The following UBE2E2 variants were observed in gnomAD, a reference collection of about 807,000 sequenced individuals.
The protein encoded by UBE2E2 is ubiquitin-conjugating enzyme E2 E2.
A neutral mutation model predicts 24.7 loss-of-function variants in UBE2E2; 6 were observed. That is an observed-to-expected ratio of 0.24 (90% confidence interval 0.13 to 0.48). The LOEUF is 0.48. UBE2E2 is among the 20% of genes least tolerant of loss of function. UBE2E2 has a pLI of 0.99. For synonymous variants in UBE2E2, 104 were observed against 83.6 expected (o/e 1.24, Z -1.33); for missense variants, 169 against 245.0 (o/e 0.69, Z 2.07).
chr3:23,340,349 T>C (rs1172500418), intron 3 of UBE2E2, among the ~76,000 whole-genome samples: 1 of 152,144 alleles, frequency 6.6e-6, no homozygotes, highest in Non-Finnish European at 1.5e-5. Flanking sequence ...GGAAAAATAA[T>C]TTGCATCTAC....
chr3:23,236,594 T>C (rs1278265148), intron 3 of UBE2E2, among the ~76,000 whole-genome samples: 2 of 152,056 alleles, frequency 1.3e-5, no homozygotes, highest in Non-Finnish European at 2.9e-5. Context: ...AAGTTATTGC[T>C]GGTAGCATGT....
intron 3 of UBE2E2, among the ~76,000 whole-genome samples, chr3:23,482,580 C>A (rs979714107): frequency 6.6e-6 from 1 of 152,102 alleles, no homozygotes; most frequent in Non-Finnish European, 1.5e-5. Flanking sequence ...TCTTCCTAAC[C>A]TTTGCTGATG....
At chr3:23,211,471 A>G (rs887195841) in intron 2 of UBE2E2, among the ~76,000 whole-genome samples, 3 of 146,192 alleles carry the variant, frequency 2.1e-5, no homozygotes, top group Non-Finnish European at 4.5e-5. Flanking sequence ...CAGTGGTATG[A>G]TCTCCAACTC....
chr3:23,320,251 G>A (rs942381572), intron 3 of UBE2E2, among the ~76,000 whole-genome samples: 6 of 152,196 alleles, frequency 3.9e-5, no homozygotes, highest in African/African-American at 1.4e-4. Flanking sequence ...CATTGAAGGA[G>A]TTCAAGTTGT....
intron 3 of UBE2E2, among the ~76,000 whole-genome samples, chr3:23,448,422 A>G (rs1243454839): frequency 6.6e-6 from 1 of 152,198 alleles, no homozygotes; most frequent in Non-Finnish European, 1.5e-5. Context: ...AGGTAAGCCT[A>G]ACTTACCCAT....
chr3:23,582,106 C>G (rs761725362), intron 5 of UBE2E2, among the ~76,000 whole-genome samples: 3 of 152,164 alleles, frequency 2.0e-5, no homozygotes, highest in Admixed American at 6.6e-5. Flanking sequence ...TTCTTTGTGT[C>G]CATGGGTACT....
chr3:23,413,123 C>A (rs973972720), intron 3 of UBE2E2, among the ~76,000 whole-genome samples: 3 of 151,306 alleles, frequency 2.0e-5, no homozygotes, highest in African/African-American at 7.3e-5. Context: ...GTGCAGCACA[C>A]CAACATGGCA....
intron 3 of UBE2E2, among the ~76,000 whole-genome samples, chr3:23,245,868 A>G (rs1369347772): frequency 6.6e-6 from 1 of 152,198 alleles, no homozygotes; most frequent in Non-Finnish European, 1.5e-5. Context: ...GCATATTTAC[A>G]CACATACATC....
intron 5 of UBE2E2, among the ~76,000 whole-genome samples, chr3:23,538,284 A>G (rs1242167048): frequency 5.3e-5 from 8 of 152,136 alleles, no homozygotes; most frequent in Admixed American, 5.2e-4. Flanking sequence ...TCTTCTGTCA[A>G]CTTCTGTCTA....
At chr3:23,294,602 ATTATT>A (rs1698858523) in intron 3 of UBE2E2, among the ~76,000 whole-genome samples, 1 of 147,052 alleles carries the variant, frequency 6.8e-6, no homozygotes, top group African/African-American at 2.5e-5. Context: ...TTTTTATTAG[ATTATT>A]TTATTAGATA....
At chr3:23,417,406 G>A (rs1407963765) in intron 3 of UBE2E2, among the ~76,000 whole-genome samples, 1 of 152,190 alleles carries the variant, frequency 6.6e-6, no homozygotes, top group Admixed American at 6.5e-5. Flanking sequence ...ATTGCTGCCT[G>A]TTCCTTCCTC....
In UBE2E2 at chr3:23,303,914, A is replaced by G. The variant is rs377122173; in HGVS notation, c.227+86602A>G. On this transcript the variant is annotated intron_variant, in intron 3 of 5. Transcript: ENST00000396703. ...CTGCTCTCCTGGGCAAATTTCAACCAATGTAATTATATTCTTAGTCTTACC... is the reference window on the plus strand; with the variant it reads ...CTGCTCTCCTGGGCAAATTTCAACCGATGTAATTATATTCTTAGTCTTACC... Among the ~76,000 whole-genome samples, 7 of 152,304 alleles carry G rather than the reference A, an allele frequency of 4.6e-5. No individual in the cohort carries two copies. In the South Asian group the frequency reaches 8.3e-4, roughly 18 times the overall value.
At chr3:23,432,931 T>C (rs1403541362) in intron 3 of UBE2E2, among the ~76,000 whole-genome samples, 1 of 151,906 alleles carries the variant, frequency 6.6e-6, no homozygotes, top group Non-Finnish European at 1.5e-5. Flanking sequence ...CACTTCGATA[T>C]CATGATAGAA....
At chr3:23,203,512 C>T in intron 1 of UBE2E2, 48 bp downstream of exon 1, 2 of 970,608 alleles carry the variant, frequency 2.1e-6, no homozygotes, top group Non-Finnish European at 2.4e-6. Context: ...GGCGTCCTCC[C>T]TCTCGCTGAC....
At chr3:23,515,085 A>G (rs1360929937) in intron 4 of UBE2E2, among the ~76,000 whole-genome samples, 1 of 151,266 alleles carries the variant, frequency 6.6e-6, no homozygotes, top group Non-Finnish European at 1.5e-5. Flanking sequence ...TCTGAAGCTT[A>G]CTCTCAAATA....
At chr3:23,244,058 A>G (rs189284087) in intron 3 of UBE2E2, among the ~76,000 whole-genome samples, 265 of 151,918 alleles carry the variant, frequency 1.7e-3, no homozygotes, top group Middle Eastern at 6.8e-3. Context: ...TATGATATCA[A>G]TTAAGGTGAT....
intron 3 of UBE2E2, among the ~76,000 whole-genome samples, chr3:23,301,328 G>A (rs1281755512): frequency 6.6e-6 from 1 of 152,172 alleles, no homozygotes; most frequent in African/African-American, 2.4e-5. Flanking sequence ...TGCTGGTGAG[G>A]AGCTGCGTTC....
intron 3 of UBE2E2, among the ~76,000 whole-genome samples, chr3:23,281,577 G>A (rs1332914549): frequency 6.6e-6 from 1 of 152,190 alleles, no homozygotes; most frequent in Non-Finnish European, 1.5e-5. Context: ...GTTGTAGGCT[G>A]CAGTGAGCTG....
chr3:23,415,112 A>G (rs1039750455), intron 3 of UBE2E2, among the ~76,000 whole-genome samples: 6 of 152,224 alleles, frequency 3.9e-5, no homozygotes, highest in Admixed American at 3.9e-4. Context: ...TGGGTGTCAC[A>G]CATTTTGAAT....
Sources: gnomAD v4.1 joint callset for allele counts (sites outside exome capture counted in the v4.1 genomes callset) on GRCh38, gnomAD v4.1.1 for gene constraint, MANE v1.5 for transcripts, NCBI Gene and HGNC (gene_info 2026-07-23, HGNC 2026-07-21) for gene names.